DIAPH2: variants seen among roughly 807,000 people sequenced by gnomAD.
The protein encoded by DIAPH2 is protein diaphanous homolog 2.
A neutral mutation model predicts 92.7 loss-of-function variants in DIAPH2; 35 were observed. The observed-to-expected ratio is 0.38, with a 90% CI of 0.29 to 0.50. The LOEUF is 0.50. Ranked by LOEUF, DIAPH2 falls within the 20% of genes least tolerant of loss-of-function variation. The pLI is 0.94. For missense variants in DIAPH2, 701 were observed against 819.5 expected (o/e 0.86, Z 1.77); for synonymous variants, 301 against 280.4 (o/e 1.07, Z -0.73).
At chrX:97,339,160 G>C (rs1323305500) in intron 23 of DIAPH2, among the ~76,000 whole-genome samples, 1 of 110,972 alleles carries the variant, frequency 9.0e-6, no homozygotes, top group African/African-American at 3.3e-5. Context: ...ATTCTATATA[G>C]TGCATAAATA....
chrX:97,561,622 A>G (rs1311256855), intron 26 of DIAPH2, among the ~76,000 whole-genome samples: 1 of 112,437 alleles, frequency 8.9e-6, no homozygotes, highest in Non-Finnish European at 1.9e-5. Context: ...TGAGCATCAA[A>G]CAGGCCTTTC....
At chrX:97,198,331 C>T (rs747135688) in intron 22 of DIAPH2, among the ~76,000 whole-genome samples, 5 of 107,022 alleles carry the variant, frequency 4.7e-5, no homozygotes, top group Non-Finnish European at 7.6e-5. Context: ...TATATATACA[C>T]GCATATGTGT....
At chrX:96,950,776 G>A (rs778643307) in intron 15 of DIAPH2, among the ~76,000 whole-genome samples, 2 of 111,473 alleles carry the variant, frequency 1.8e-5, no homozygotes, top group Non-Finnish European at 3.8e-5. Context: ...CTCCTTACCA[G>A]GAATGTTAAG....
chrX:96,989,250 A>G (rs1200737588), intron 17 of DIAPH2, among the ~76,000 whole-genome samples: 2 of 112,103 alleles, frequency 1.8e-5, no homozygotes, highest in Non-Finnish European at 3.8e-5. Flanking sequence ...ATAAATTTCA[A>G]AGTATTCTTA....
intron 19 of DIAPH2, among the ~76,000 whole-genome samples, chrX:97,086,733 T>C (rs2066785926): frequency 8.9e-6 from 1 of 111,839 alleles, no homozygotes; most frequent in South Asian, 3.7e-4. Flanking sequence ...AAGTAAGCTT[T>C]ATAAATTATT....
intron 17 of DIAPH2, among the ~76,000 whole-genome samples, chrX:97,036,588 G>A (rs2066412178): frequency 1.8e-5 from 2 of 112,110 alleles, no homozygotes; most frequent in African/African-American, 6.5e-5. Flanking sequence ...ATGTGTGTAA[G>A]TGAAGCAAGG....
At chrX:96,709,757 C>G (rs1283145155) in intron 1 of DIAPH2, among the ~76,000 whole-genome samples, 1 of 111,868 alleles carries the variant, frequency 8.9e-6, no homozygotes, top group African/African-American at 3.2e-5. Context: ...AAATGACGTT[C>G]TAGTTAACAT....
chrX:97,006,290 A>G (rs1163672013), intron 17 of DIAPH2, among the ~76,000 whole-genome samples: 6 of 112,038 alleles, frequency 5.4e-5, no homozygotes, highest in Non-Finnish European at 1.1e-4. Flanking sequence ...TATCTATTAG[A>G]TCCATTTGGT....
chrX:97,141,855 T>G (rs1380395332), intron 22 of DIAPH2, 61 bp downstream of exon 22: 3 of 1,076,624 alleles, frequency 2.8e-6, no homozygotes, highest in Non-Finnish European at 3.7e-6. Flanking sequence ...ATGGAACAAT[T>G]AAAGAATCTG....
intron 7 of DIAPH2, among the ~76,000 whole-genome samples, chrX:96,914,128 A>G (rs1242204315): frequency 3.6e-5 from 4 of 111,196 alleles, no homozygotes; most frequent in Non-Finnish European, 7.6e-5. Context: ...GTATTTATAT[A>G]TTATACATAC....
chrX:96,701,576 CTG>C (rs765625677), intron 1 of DIAPH2: 1 of 110,491 alleles, frequency 9.1e-6, no homozygotes, highest in African/African-American at 3.3e-5. Context: ...CTGTAACTGA[CTG>C]TGAACAATCA....
chrX:97,448,695 A>G (rs1429108661), intron 26 of DIAPH2, among the ~76,000 whole-genome samples: 1 of 112,164 alleles, frequency 8.9e-6, no homozygotes, highest in Non-Finnish European at 1.9e-5. Flanking sequence ...TATTTTCCTG[A>G]ATAAGCTAGT....
chrX:96,996,566 T>C (rs1289736317), intron 17 of DIAPH2, among the ~76,000 whole-genome samples: 1 of 111,751 alleles, frequency 8.9e-6, no homozygotes, highest in East Asian at 2.8e-4. Flanking sequence ...TGTTAAGAAA[T>C]TGTCTAATGA....
In DIAPH2 at chrX:96,868,553, T is replaced by C. The variant is rs768372016; in HGVS notation, c.448-13026T>C. ...TTATCTACCTTTGGTGAACAGTTTTTACAGCTGGGCAGACCTTCTTCCCCC... is the reference window on the plus strand; with the variant it reads ...TTATCTACCTTTGGTGAACAGTTTTCACAGCTGGGCAGACCTTCTTCCCCC... On this transcript the variant is annotated intron_variant, in intron 4 of 26. Transcript: ENST00000324765. 8.0e-5 allele frequency among the ~76,000 whole-genome samples: 9 copies of C among 111,820 alleles called. No individual in the cohort carries two copies. In the South Asian group the frequency reaches 3.4e-3, roughly 42 times the overall value.
chrX:97,018,633 A>C (rs1289477426), intron 17 of DIAPH2, among the ~76,000 whole-genome samples: 1 of 111,976 alleles, frequency 8.9e-6, no homozygotes, highest in Non-Finnish European at 1.9e-5. Flanking sequence ...TACTTTTTAA[A>C]GAGCATTTTA....
At chrX:97,356,160 C>T (rs1170688001) in intron 24 of DIAPH2, among the ~76,000 whole-genome samples, 1 of 111,645 alleles carries the variant, frequency 9.0e-6, no homozygotes, top group Non-Finnish European at 1.9e-5. Context: ...CATTTTGCAT[C>T]TCTTCTGATC....
chrX:96,757,745 A>G (rs928138557), intron 3 of DIAPH2, among the ~76,000 whole-genome samples: 1 of 111,636 alleles, frequency 9.0e-6, no homozygotes, highest in Admixed American at 9.5e-5. Flanking sequence ...TGCAAATTGT[A>G]TTTGCTTTCC....
chrX:96,822,859 T>A (rs2064787856), intron 4 of DIAPH2, among the ~76,000 whole-genome samples: 1 of 112,426 alleles, frequency 8.9e-6, no homozygotes, highest in South Asian at 3.6e-4. Context: ...TTATGAGTAT[T>A]CTTATATAGC....
intron 4 of DIAPH2, among the ~76,000 whole-genome samples, chrX:96,870,859 A>C (rs1176316700): frequency 3.6e-5 from 4 of 112,165 alleles, no homozygotes; most frequent in Non-Finnish European, 7.5e-5. Context: ...TGCAGTTTAT[A>C]TCTAGGCTGT....
Sources: gnomAD v4.1 joint callset for allele counts (sites outside exome capture counted in the v4.1 genomes callset) on GRCh38, gnomAD v4.1.1 for gene constraint, MANE v1.5 for transcripts, NCBI Gene and HGNC (gene_info 2026-07-23, HGNC 2026-07-21) for gene names.